CNBD2: variants seen among roughly 807,000 people sequenced by gnomAD.
The protein encoded by CNBD2 is cyclic nucleotide-binding domain-containing protein 2.
CNBD2 carries 64 observed loss-of-function variants against 63.7 expected under a neutral mutation model. The observed-to-expected ratio is 1.00, with a 90% confidence interval of 0.82 to 1.24. The LOEUF is 1.24. CNBD2 is among the 50% of genes most tolerant of loss of function. The probability of loss-of-function intolerance (pLI) is 0.00; values close to 1 mark genes in which losing one functional copy is unlikely to be tolerated. For synonymous variants in CNBD2, 229 were observed against 255.4 expected, an observed-to-expected ratio of 0.90 and a Z score of 0.99; for missense variants, 691 against 713.5, an observed-to-expected ratio of 0.97 and a Z score of 0.36.
At chr20:35,991,059 A>G (rs2056741087) in intron 7 of CNBD2, among the ~76,000 whole-genome samples, 1 of 152,232 alleles carries the variant, frequency 6.6e-6, no homozygotes, top group Admixed American at 6.5e-5. Flanking sequence ...AGTTTAATAT[A>G]ATTTATGTGA....
At chr20:35,985,197 G>C (rs2056651660) in intron 6 of CNBD2, among the ~76,000 whole-genome samples, 1 of 152,050 alleles carries the variant, frequency 6.6e-6, no homozygotes. Flanking sequence ...TACTTGGGAG[G>C]CTGAGGTGGG....
Position 35,972,568 on chromosome 20 carries a change from C to T in CNBD2, c.52-61C>T, listed in dbSNP as rs1447259883. On this transcript the variant is annotated intron_variant, in intron 1 of 11. Transcript: ENST00000373973. ...TTTCACCTTGTTCAGCACCATCCAG[C>T]CTGCTGTTGACTGTTGAGAACAGAT... 6.5e-6 allele frequency: 10 copies of T among 1,531,618 alleles called. 1 individual carries two copies. In the East Asian group the frequency reaches 1.3e-4, roughly 21 times the overall value. 94.9% of individuals were successfully genotyped at this position (1,531,618 alleles called of 1,614,324 possible).
rs758024036 is a variant in CNBD2 at position 35,987,492 on chromosome 20, A to G, written c.814A>G (p.Lys272Glu). 45 of 1,614,072 alleles carry G rather than the reference A, an allele frequency of 2.8e-5. No homozygotes were observed. Among genetic ancestry groups the G allele is most frequent in the Non-Finnish European group, 3.7e-5 (44 of 1,180,036 alleles). ...ERFSYGQLIS[K>E]DFGESPFIMF... is the part of the protein sequence containing the mutation. ...GTTCTCGTATGGGCAGCTGATCTCA[A>G]AAGATTTTGGAGAGTCACCCTTCAT... The change falls in exon 7 of 12, where the codon AAA (lysine) becomes GAA (glutamate). Residue 272 changes from lysine (K) to glutamate (E), a missense_variant. By Grantham distance (56) the Lys-to-Glu change is moderately conservative. Coordinates refer to ENST00000373973, the MANE Select transcript of CNBD2 (RefSeq NM_001365709.1).
intron 11 of CNBD2, among the ~76,000 whole-genome samples, chr20:36,028,481 G>C (rs191874603): frequency 6.6e-6 from 1 of 152,276 alleles, no homozygotes; most frequent in Non-Finnish European, 1.5e-5. Context: ...AGAGGTACCT[G>C]TCCTGTGAAT....
At chr20:35,998,329 C>T (rs1184310726) in intron 8 of CNBD2, among the ~76,000 whole-genome samples, 4 of 152,026 alleles carry the variant, frequency 2.6e-5, no homozygotes, top group African/African-American at 7.2e-5. Context: ...GCGTGAGCCA[C>T]CACGCCTGGC....
At chr20:35,988,709 C>T (rs2056702489) in intron 7 of CNBD2, among the ~76,000 whole-genome samples, 1 of 152,116 alleles carries the variant, frequency 6.6e-6, no homozygotes, top group South Asian at 2.1e-4. Flanking sequence ...CTCTCAGTAT[C>T]GTAATTTTTA....
At chr20:35,994,995 C>G (rs748392660) in intron 7 of CNBD2, 43 bp from the exon 8 acceptor site, 3 of 1,384,944 alleles carry the variant, frequency 2.2e-6, no homozygotes, top group South Asian at 1.2e-5. Context: ...CTACCTGGAG[C>G]CTTAGGGGTT....
chr20:36,020,269 GATGGGGTTTC>G (rs2084699164), intron 10 of CNBD2, among the ~76,000 whole-genome samples: 1 of 152,050 alleles, frequency 6.6e-6, no homozygotes, highest in African/African-American at 2.4e-5. Context: ...TTTTAATAGA[GATGGGGTTTC>G]ACCATGTTAG....
At chr20:35,956,274 G>A (rs546929903), downstream of CNBD2, among the ~76,000 whole-genome samples, 3 of 152,308 alleles carry the variant, frequency 2.0e-5, no homozygotes, top group Non-Finnish European at 4.4e-5. Flanking sequence ...CTTGAAAGTC[G>A]TTGCAGTGGG....
chr20:36,020,858 C>T (rs2057198308), intron 10 of CNBD2, among the ~76,000 whole-genome samples: 1 of 152,084 alleles, frequency 6.6e-6, no homozygotes, highest in South Asian at 2.1e-4. Context: ...TCGTGTAGAC[C>T]CTCAGCAGCT....
Position 36,011,155 on chromosome 20 carries a change from G to A in CNBD2, c.1167G>A (p.Ser389=), listed in dbSNP as rs1419328488. ...GPKIQSRPAQ[S]IKCAMINIKP... is the part of the protein sequence containing the mutation. The stretch of plus-strand genomic sequence containing the variant: ...ATTTCAGATCCAGGCCTGCTCAGTC[G>A]ATCAAATGTGCCATGATCAATATCA... Residue 389 remains serine, a synonymous_variant, in exon 10 of 12, where the codon TCG becomes TCA. Coordinates refer to ENST00000373973, the MANE Select transcript of CNBD2 (RefSeq NM_001365709.1). 1.1e-5 allele frequency: 17 copies of A among 1,582,830 alleles called. No homozygotes were observed. Among genetic ancestry groups the A allele is most frequent in the South Asian group, 2.3e-5 (2 of 86,246 alleles).
intron 8 of CNBD2, among the ~76,000 whole-genome samples, chr20:35,998,040 CTTTTTTT>C (rs1046661526): frequency 4.7e-5 from 6 of 127,118 alleles, no homozygotes; most frequent in Non-Finnish European, 6.6e-5. Flanking sequence ...TTTTCTTTTT[CTTTTTTT>C]TTTTTTTTTT....
At chr20:35,957,438 A>G (rs768243250), downstream of CNBD2, among the ~76,000 whole-genome samples, 1 of 151,634 alleles carries the variant, frequency 6.6e-6, no homozygotes. Context: ...AATACAAAAA[A>G]TTAGCTGGGC....
Position 36,022,181 on chromosome 20 carries a change from ATTCTTTTTTTT to A in CNBD2, c.1270-1407_1270-1397del, listed in dbSNP as rs1418868169. 6.7e-5 allele frequency among the ~76,000 whole-genome samples: 7 copies of A among 104,332 alleles called. No individual in the cohort carries two copies. The East Asian group carries it at 1.1e-3, about 16-fold the overall frequency. 68.4% of individuals were successfully genotyped at this position (104,332 alleles called of 152,430 possible). A position where few individuals can be genotyped will look rare whatever the true frequency, so the allele number is the denominator to read the frequency against. On this transcript the variant is annotated intron_variant, in intron 10 of 11. Coordinates refer to ENST00000373973, the MANE Select transcript of CNBD2 (RefSeq NM_001365709.1). ...CGGCCACCATCACCATGCCCGGCTA[ATTCTTTTTTTT>A]TTCTTTTTTTTTTTTTTTTTTTTTT...
chr20:36,017,968 T>A (rs910047513), intron 10 of CNBD2, among the ~76,000 whole-genome samples: 5 of 152,236 alleles, frequency 3.3e-5, no homozygotes, highest in African/African-American at 1.2e-4. Flanking sequence ...ATTCATTGTT[T>A]TAGTGGTCTT....
At chr20:36,006,686 G>A (rs1371388849) in intron 8 of CNBD2, among the ~76,000 whole-genome samples, 1 of 152,172 alleles carries the variant, frequency 6.6e-6, no homozygotes, top group Non-Finnish European at 1.5e-5. Context: ...CAAAGCGTGG[G>A]ATTACAGTGG....
At chr20:36,029,298 A>G (rs2057316501) in intron 11 of CNBD2, among the ~76,000 whole-genome samples, 1 of 152,132 alleles carries the variant, frequency 6.6e-6, no homozygotes, top group African/African-American at 2.4e-5. Context: ...TGAGTTCACA[A>G]ATGTAAAGTG....
chr20:36,026,770 C>T (rs975269785), intron 11 of CNBD2, among the ~76,000 whole-genome samples: 1 of 152,224 alleles, frequency 6.6e-6, no homozygotes, highest in Admixed American at 6.5e-5. Flanking sequence ...CAGACTAACC[C>T]CAGTTTGGGA....
At chr20:36,023,263 G>A (rs763719811) in intron 10 of CNBD2, among the ~76,000 whole-genome samples, 7 of 152,098 alleles carry the variant, frequency 4.6e-5, no homozygotes, top group Admixed American at 1.3e-4. Context: ...GGTGGCTCAC[G>A]CCTGTAATCC....
Sources: allele counts gnomAD v4.1 joint callset (sites outside exome capture counted in the v4.1 genomes callset), GRCh38; gene constraint gnomAD v4.1.1; transcripts MANE v1.5; gene names NCBI Gene and HGNC (gene_info 2026-07-23, HGNC 2026-07-21).